STARD13: variants seen among roughly 807,000 people sequenced by gnomAD.
The protein encoded by STARD13 is stAR-related lipid transfer protein 13.
Under a neutral mutation model 106.4 loss-of-function variants are expected in STARD13, and 62 were observed. That is an observed-to-expected ratio of 0.58 (90% CI 0.48 to 0.72). The LOEUF is 0.72. Among genes scored for constraint, STARD13 ranks in the 30% least tolerant of loss-of-function variants. The pLI, the probability that STARD13 is intolerant of heterozygous loss-of-function variation, is 0.00. For synonymous variants in STARD13, 565 were observed against 553.0 expected (o/e 1.02, Z -0.31); for missense variants, 1,387 against 1,424.0 (o/e 0.97, Z 0.42).
the STARD13 span, among the ~76,000 whole-genome samples, chr13:33,424,386 A>G: frequency 2.2e-3 from 341 of 152,310 alleles, 2 homozygotes; most frequent in African/African-American, 7.6e-3. Context: ...TGAAGACCTT[A>G]AAAGGGAGGA....
At chr13:33,351,523 G>C (rs1356497581), upstream of STARD13, among the ~76,000 whole-genome samples, 1 of 152,148 alleles carries the variant, frequency 6.6e-6, no homozygotes, top group African/African-American at 2.4e-5. Context: ...AGGCCTCGGG[G>C]TGTCCTGCAG....
chr13:33,182,724 T>C (rs1810971858), intron 1 of STARD13, among the ~76,000 whole-genome samples: 1 of 152,252 alleles, frequency 6.6e-6, no homozygotes, highest in African/African-American at 2.4e-5. Flanking sequence ...GTTTAGACTC[T>C]CATTTTGTCT....
intron 7 of STARD13, among the ~76,000 whole-genome samples, chr13:33,122,640 T>A (rs897236064): frequency 6.6e-6 from 1 of 152,170 alleles, no homozygotes; most frequent in Admixed American, 6.5e-5. Context: ...TTTATAAGCA[T>A]CTCTCTTGTA....
the STARD13 span, among the ~76,000 whole-genome samples, chr13:33,435,320 T>G: frequency 6.6e-6 from 1 of 152,180 alleles, no homozygotes; most frequent in African/African-American, 2.4e-5. Context: ...GTTGGCAGCT[T>G]GCAAGAGCTA....
In STARD13 at chr13:33,106,809, G is replaced by A. The variant is rs760713354; in HGVS notation, c.3173C>T (p.Pro1058Leu). 8.1e-6 allele frequency: 13 copies of A among 1,613,906 alleles called. No homozygotes were observed. In the African/African-American group the frequency reaches 9.3e-5, roughly 12 times the overall value. Residue 1058 changes from proline to leucine, a missense_variant, in exon 13 of 14, where the codon CCG becomes CTG. Coordinates refer to ENST00000336934, the MANE Select transcript of STARD13 (RefSeq NM_178006.4). ...VVMDSQYLIEPCGSGKSRLTH... is the reference protein window; with the variant it reads ...VVMDSQYLIELCGSGKSRLTH... ...CAGTCTTGACTTGCCAGAGCCACACGGTTCTATCAAGTACTGCGAGTCCAT... is the reference window on the plus strand; with the variant it reads ...CAGTCTTGACTTGCCAGAGCCACACAGTTCTATCAAGTACTGCGAGTCCAT...
the STARD13 span, among the ~76,000 whole-genome samples, chr13:33,610,503 G>GC: frequency 2.0e-5 from 3 of 152,268 alleles, no homozygotes; most frequent in Non-Finnish European, 4.4e-5. Context: ...AGTTCTCCCA[G>GC]CCCCGCGCTG....
At chr13:33,485,425 C>T in the STARD13 span, among the ~76,000 whole-genome samples, 2 of 143,182 alleles carry the variant, frequency 1.4e-5, no homozygotes, top group East Asian at 4.0e-4. Flanking sequence ...CAATATTTAG[C>T]CCTCAAACTT....
upstream of STARD13, among the ~76,000 whole-genome samples, chr13:33,289,311 C>A (rs1892196771): frequency 2.0e-5 from 3 of 152,046 alleles, no homozygotes; most frequent in Non-Finnish European, 2.9e-5. Context: ...TACTGAGAAC[C>A]AAAGACAGCA....
chr13:33,495,792 TTATAA>T, the STARD13 span, among the ~76,000 whole-genome samples: 37 of 148,160 alleles, frequency 2.5e-4, no homozygotes, highest in South Asian at 2.1e-3. Flanking sequence ...CAGACAAGTA[TTATAA>T]TATAATCATT....
At chr13:33,219,311 C>T (rs1423493076) in intron 1 of STARD13, among the ~76,000 whole-genome samples, 2 of 151,948 alleles carry the variant, frequency 1.3e-5, no homozygotes, top group African/African-American at 4.8e-5. Context: ...CCTCTTGCTG[C>T]TCCTCTGCTT....
chr13:33,528,229 T>TATATATATATATACATATATATATAC, the STARD13 span, among the ~76,000 whole-genome samples: 1 of 130,938 alleles, frequency 7.6e-6, no homozygotes, highest in Non-Finnish European at 1.5e-5. Flanking sequence ...TGTGTGTGTA[T>TATATATATATATACATATATATATAC]ATATATATAT....
chr13:33,332,751 T>C (rs1269602879), intron 1 of STARD13, among the ~76,000 whole-genome samples: 1 of 152,208 alleles, frequency 6.6e-6, no homozygotes, highest in African/African-American at 2.4e-5. Context: ...TTTTTGTTTT[T>C]TCTTCATAAT....
chr13:33,657,868 T>A, the STARD13 span, among the ~76,000 whole-genome samples: 1 of 152,238 alleles, frequency 6.6e-6, no homozygotes, highest in African/African-American at 2.4e-5. Flanking sequence ...ATAAAGTAGA[T>A]TTTCTATTTT....
At chr13:33,265,335 G>T (rs1458142972) in intron 1 of STARD13, among the ~76,000 whole-genome samples, 2 of 152,194 alleles carry the variant, frequency 1.3e-5, no homozygotes, top group Admixed American at 1.3e-4. Context: ...ACTTCTGGAA[G>T]AGTTCACATT....
intron 1 of STARD13, chr13:33,275,628 T>G (rs185695315): frequency 1.4e-4 from 22 of 152,336 alleles, no homozygotes; most frequent in Non-Finnish European, 2.8e-4. Flanking sequence ...ATTAGAGTTA[T>G]AGTAAGTTTG....
At chr13:33,452,329 G>T in the STARD13 span, among the ~76,000 whole-genome samples, 1 of 151,936 alleles carries the variant, frequency 6.6e-6, no homozygotes, top group Non-Finnish European at 1.5e-5. Flanking sequence ...TGGAGCTGGA[G>T]CTGGGGGCAG....
the STARD13 span, among the ~76,000 whole-genome samples, chr13:33,462,819 C>T: frequency 3.3e-5 from 5 of 152,156 alleles, no homozygotes; most frequent in South Asian, 2.1e-4. Flanking sequence ...AGGGTGGGTC[C>T]ACCTCTCCTA....
intron 1 of STARD13, chr13:33,271,414 C>T (rs923783396): frequency 6.6e-6 from 1 of 152,256 alleles, no homozygotes; most frequent in African/African-American, 2.4e-5. Flanking sequence ...GCTCTGTGGG[C>T]CCCAGGTGCC....
At chr13:33,373,882 G>A in the STARD13 span, among the ~76,000 whole-genome samples, 32,152 of 151,976 alleles carry the variant, frequency 0.21, 3,683 homozygotes, top group African/African-American at 0.24. Context: ...CAGTATAAAG[G>A]TTGCTCAAAT....
Sources: allele counts gnomAD v4.1 joint callset (sites outside exome capture counted in the v4.1 genomes callset), GRCh38; gene constraint gnomAD v4.1.1; transcripts MANE v1.5; gene names NCBI Gene and HGNC (gene_info 2026-07-23, HGNC 2026-07-21).